Variants in ZNF732 observed in about 807,000 individuals in gnomAD.
ZNF732 encodes zinc finger protein LOC654254.
In ZNF732, 12 loss-of-function variants were observed where a neutral mutation model predicts 11.5. The observed-to-expected ratio is 1.05, with a 90% CI of 0.67 to 1.70. The LOEUF is 1.70. Ranked by LOEUF, ZNF732 falls within the 40% of genes most tolerant of loss-of-function variation. The pLI is 0.00. For missense variants in ZNF732, 702 were observed against 676.9 expected (o/e 1.04, Z -0.41); for synonymous variants, 231 against 236.5 (o/e 0.98, Z 0.21).
At position 271,683 on chromosome 4, in the gene ZNF732, A is replaced by C. The variant is rs782577196; in HGVS notation, c.1174T>G (p.Cys392Gly). 6.2e-7 allele frequency: 1 copy of C among 1,612,134 alleles called. No individual in the cohort carries two copies. The highest frequency in any genetic ancestry group is 1.1e-5 in the South Asian group (1 of 90,882). Residue 392 changes from cysteine (C) to glycine (G), a missense_variant, in exon 4 of 4, where the codon TGT becomes GGT. Around this residue, in one of 3 missense-constraint regions of ZNF732, gnomAD observed 596 missense variants for 557.9 expected, o/e 1.07. Coordinates refer to ENST00000419098, the MANE Select transcript of ZNF732 (RefSeq NM_001137608.3). Reference sequence around the variant, plus strand: ...CTAAAGGCTTTTCCACATTCTTCACATGTGTAGGGTTTCTCTCCAGTATGA... The same window carrying C: ...CTAAAGGCTTTTCCACATTCTTCACCTGTGTAGGGTTTCTCTCCAGTATGA... ...SIHTGEKPYTCEECGKAFSRF... is the reference protein window; with the variant it reads ...SIHTGEKPYTGEECGKAFSRF...
At chr4:299,428 CATATGTGTATATATATATATATACACAT>C (rs1720044234) in intron 1 of ZNF732, among the ~76,000 whole-genome samples, 1 of 79,492 alleles carries the variant, frequency 1.3e-5, no homozygotes, top group Non-Finnish European at 2.3e-5. Context: ...CATATATACA[CATATGTGTATATATATATATATACACAT>C]ATGTGTATAT....
intron 3 of ZNF732, among the ~76,000 whole-genome samples, chr4:292,772 C>T (rs1353410849): frequency 2.7e-5 from 4 of 150,304 alleles, no homozygotes; most frequent in Non-Finnish European, 5.9e-5. Flanking sequence ...AAAGGCCGGG[C>T]GCAGTGGCTC....
In ZNF732 at chr4:270,861, TC is replaced by T; in HGVS notation, c.*237del. ...ATTCTTCACATTTGTAGGGTTGCTCTCCAGCATCAATTTTCTTATGTTGATT... is the reference window on the plus strand; with the variant it reads ...ATTCTTCACATTTGTAGGGTTGCTCTCAGCATCAATTTTCTTATGTTGATT... On this transcript the variant is annotated 3_prime_UTR_variant, in exon 4 of 4. Coordinates refer to ENST00000419098, the MANE Select transcript of ZNF732 (RefSeq NM_001137608.3). 1 of 705,190 alleles carries T rather than the reference TC, an allele frequency of 1.4e-6. No individual in the cohort carries two copies. The highest frequency in any genetic ancestry group is 1.5e-5 in the South Asian group (1 of 67,532). The allele number at this position is 705,190 out of a possible 1,614,324, so 43.7% of individuals were successfully genotyped here. A position where few individuals can be genotyped will look rare whatever the true frequency, so the allele number is the denominator to read the frequency against.
intron 3 of ZNF732, among the ~76,000 whole-genome samples, chr4:279,462 A>C (rs149236142): frequency 0.015 from 2,232 of 151,590 alleles, 66 homozygotes; most frequent in African/African-American, 0.051. Flanking sequence ...AAAAAACAAC[A>C]ACCAGACATT....
At chr4:284,307 A>C (rs892023030) in intron 3 of ZNF732, among the ~76,000 whole-genome samples, 9 of 152,214 alleles carry the variant, frequency 5.9e-5, no homozygotes, top group African/African-American at 2.2e-4. Flanking sequence ...ATATTAGACA[A>C]CATGCTTCTG....
intron 3 of ZNF732, among the ~76,000 whole-genome samples, chr4:293,822 TTAAA>T (rs1337021810): frequency 1.6e-4 from 25 of 152,252 alleles, no homozygotes; most frequent in Admixed American, 4.6e-4. Context: ...ATTGTAAATA[TTAAA>T]TATAGTTATA....
intron 3 of ZNF732, among the ~76,000 whole-genome samples, chr4:274,843 A>T (rs1420479127): frequency 6.6e-6 from 1 of 151,732 alleles, no homozygotes; most frequent in Non-Finnish European, 1.5e-5. Context: ...GGAACTAATG[A>T]CAAACATGTC....
At position 274,334 on chromosome 4, in the gene ZNF732, T is replaced by C. The variant is rs566807148; in HGVS notation, c.227-1704A>G. ...CCAGTTTAAAATATATTATTTTAACTTAAAGAAATTTTATGTAATTCTCAA... is the reference window on the plus strand; with the variant it reads ...CCAGTTTAAAATATATTATTTTAACCTAAAGAAATTTTATGTAATTCTCAA... On this transcript the variant is annotated intron_variant, in intron 3 of 3. Coordinates refer to ENST00000419098, the MANE Select transcript of ZNF732 (RefSeq NM_001137608.3). Among the ~76,000 whole-genome samples the C allele has an allele frequency of 1.2e-3, 180 of 151,628 alleles. 1 individual carries two copies. The highest frequency in any genetic ancestry group is 4.0e-3 in the African/African-American group (166 of 41,492).
intron 3 of ZNF732, among the ~76,000 whole-genome samples, chr4:273,073 A>C (rs1719423014): frequency 6.6e-6 from 1 of 152,138 alleles, no homozygotes; most frequent in African/African-American, 2.4e-5. Context: ...GAGTGCTGAA[A>C]GAAATGGTGA....
intron 3 of ZNF732, among the ~76,000 whole-genome samples, chr4:289,063 A>C (rs1719788414): frequency 6.6e-6 from 1 of 152,348 alleles, no homozygotes; most frequent in South Asian, 2.1e-4. Context: ...GGCCCCAAAA[A>C]GCTTCCAATC....
intron 1 of ZNF732, among the ~76,000 whole-genome samples, chr4:303,709 A>C (rs1429969566): frequency 1.3e-5 from 2 of 152,232 alleles, no homozygotes; most frequent in African/African-American, 4.8e-5. Context: ...GAGACCATTA[A>C]GCCGCGTCTA....
chr4:272,439 T>C lies in ZNF732; in HGVS notation c.418A>G (p.Ile140Val), dbSNP rs1204082471. ...NQCLSTIQSKIFQCNVHVKVF... is the reference protein window; with the variant it reads ...NQCLSTIQSKVFQCNVHVKVF... Reference sequence around the variant, plus strand: ...TTGACATGTACATTACACTGAAATATTTTGCTCTGGATAGTTGACAAGCAT... The same window carrying C: ...TTGACATGTACATTACACTGAAATACTTTGCTCTGGATAGTTGACAAGCAT... Residue 140 changes from isoleucine to valine, a missense_variant, in exon 4 of 4, where the codon ATA (isoleucine) becomes GTA (valine). Coordinates refer to ENST00000419098, the MANE Select transcript of ZNF732 (RefSeq NM_001137608.3). 1.3e-6 allele frequency: 2 copies of C among 1,599,834 alleles called. No individual in the cohort carries two copies. Among genetic ancestry groups the C allele is most frequent in the Non-Finnish European group, 1.7e-6 (2 of 1,172,100 alleles).
At position 295,528 on chromosome 4, in the gene ZNF732, C is replaced by A; in HGVS notation, c.136G>T (p.Ala46Ser). The A allele has an allele frequency of 3.1e-6, 5 of 1,611,094 alleles. No homozygotes were observed. Among genetic ancestry groups the A allele is most frequent in the Non-Finnish European group, 4.2e-6 (5 of 1,178,422 alleles). Residue 46 changes from alanine (A) to serine (S), a missense_variant, in exon 3 of 4, where the codon GCT (alanine) becomes TCT (serine). Around this residue, in one of 3 missense-constraint regions of ZNF732, gnomAD observed 596 missense variants for 557.9 expected, o/e 1.07. Coordinates refer to ENST00000419098, the MANE Select transcript of ZNF732 (RefSeq NM_001137608.3). ...ATGACCAGGTCTGGGTTAGAGATAG[C>A]AACACCTGTTTATTTTAAAAAATTA... Reference protein sequence around the residue: ...NYRNLISLGVAISNPDLVIYL... With the variant: ...NYRNLISLGVSISNPDLVIYL...
In ZNF732 at chr4:299,711, A is replaced by T. The variant is rs1455527457; in HGVS notation, c.4-3556T>A. Among the ~76,000 whole-genome samples, 33 of 131,178 alleles carry T rather than the reference A, an allele frequency of 2.5e-4. No individual in the cohort carries two copies. In the South Asian group the frequency reaches 3.1e-3, roughly 12 times the overall value. 86.1% of individuals were successfully genotyped at this position (131,178 alleles called of 152,430 possible). ...TATATATACTTTTTTTTTTTTTTTT[A>T]AAGAGATGGAGTTTCCCTCTTGTTG... On this transcript the variant is annotated intron_variant, in intron 1 of 3. Transcript: ENST00000419098.
intron 3 of ZNF732, among the ~76,000 whole-genome samples, chr4:282,629 G>C (rs1553840023): frequency 6.6e-6 from 1 of 152,168 alleles, no homozygotes. Context: ...TGATATTGGA[G>C]AGTTCAAGGC....
intron 3 of ZNF732, among the ~76,000 whole-genome samples, chr4:284,727 CG>C (rs1560160104): frequency 6.6e-6 from 1 of 151,310 alleles, no homozygotes; most frequent in Non-Finnish European, 1.5e-5. Flanking sequence ...AAAAATTCGC[CG>C]GGCGTGGTGG....
Position 271,153 on chromosome 4 carries a change from CT to C in ZNF732, c.1703del (p.Lys568SerfsTer34). ...TATGTTGATTAAGGTATGAGGACCACTTAAAGGCTTTGCCACATCCTTTACA... is the reference window on the plus strand; with the variant it reads ...TATGTTGATTAAGGTATGAGGACCACTAAAGGCTTTGCCACATCCTTTACA... The part of the protein sequence containing the change: ...PKCKGCGKAF[K>X]WSSYLNQHNK... On this transcript the variant is annotated frameshift_variant, in exon 4 of 4. Transcript: ENST00000419098. LOFTEE classifies it low-confidence loss of function (END_TRUNC). 6.5e-7 allele frequency: 1 copy of C among 1,548,606 alleles called. No individual in the cohort carries two copies. Among genetic ancestry groups the C allele is most frequent in the Admixed American group, 2.0e-5 (1 of 50,084 alleles).
At chr4:290,436 G>A (rs1461654650) in intron 3 of ZNF732, among the ~76,000 whole-genome samples, 1 of 152,250 alleles carries the variant, frequency 6.6e-6, no homozygotes, top group African/African-American at 2.4e-5. Flanking sequence ...GGCCCTGGAG[G>A]CAGGCCTGCA....
In ZNF732 at chr4:305,439, G is replaced by A. The variant is rs1486527958; in HGVS notation, c.-129C>T. 1.7e-5 allele frequency: 23 copies of A among 1,370,790 alleles called. No individual in the cohort carries two copies. Among genetic ancestry groups the A allele is most frequent in the Non-Finnish European group, 2.3e-5 (23 of 993,634 alleles). The allele number at this position is 1,370,790 out of a possible 1,614,324, so 84.9% of individuals were successfully genotyped here. On this transcript the variant is annotated 5_prime_UTR_variant, in exon 1 of 4. Coordinates refer to ENST00000419098, the MANE Select transcript of ZNF732 (RefSeq NM_001137608.3). ...CCCTGAGGGGTGAAAGCACGGCCGT[G>A]GAGACCCTAACCGAGCTCACGCTGG...
Sources: allele counts gnomAD v4.1 joint callset (sites outside exome capture counted in the v4.1 genomes callset), GRCh38; gene constraint gnomAD v4.1.1; regional missense constraint gnomAD v4.1.1; transcripts MANE v1.5; gene names NCBI Gene and HGNC (gene_info 2026-07-23, HGNC 2026-07-21).